BTN1A1: variants seen among roughly 807,000 people sequenced by gnomAD.
The protein encoded by BTN1A1 is bK14H9.2 (butyrophilin, subfamily 1, member A1).
Under a neutral mutation model 33.1 loss-of-function variants are expected in BTN1A1, and 26 were observed. That is an observed-to-expected ratio of 0.79 (90% CI 0.58 to 1.09). The LOEUF (loss-of-function observed/expected upper bound fraction) is 1.09. Ranked by LOEUF, BTN1A1 falls within the 50% of genes least tolerant of loss-of-function variation. The pLI is 0.00. For synonymous variants in BTN1A1, 235 were observed against 256.2 expected (o/e 0.92, Z 0.79); for missense variants, 558 against 655.7 (o/e 0.85, Z 1.63).
At chr6:26,503,301 A>G (rs987674610) in intron 3 of BTN1A1, among the ~76,000 whole-genome samples, 1 of 152,156 alleles carries the variant, frequency 6.6e-6, no homozygotes, top group African/African-American at 2.4e-5. Context: ...CCTGGCCAAC[A>G]TGGCAAAACC....
At chr6:26,505,946 G>GT (rs908283086) in intron 4 of BTN1A1, among the ~76,000 whole-genome samples, 3 of 151,656 alleles carry the variant, frequency 2.0e-5, no homozygotes, top group Admixed American at 2.0e-4. Context: ...GTGAAACCCC[G>GT]CCTCTACTAA....
Position 26,501,573 on chromosome 6 carries a change from C to G in BTN1A1, c.80-17C>G. The G allele has an allele frequency of 3.7e-6, 6 of 1,611,578 alleles. No individual in the cohort carries two copies. The highest frequency in any genetic ancestry group is 5.1e-6 in the Non-Finnish European group (6 of 1,178,294). ...CCCATCTCCACATCCCGTCTGATCCCGCTCGTTTTTCGGCAGCTCCCTTTG... is the reference window on the plus strand; with the variant it reads ...CCCATCTCCACATCCCGTCTGATCCGGCTCGTTTTTCGGCAGCTCCCTTTG... On this transcript the variant is annotated splice_polypyrimidine_tract_variant and intron_variant, in intron 2 of 7. Coordinates refer to ENST00000684113, the MANE Select transcript of BTN1A1 (RefSeq NM_001732.3). This position sits in a 1 kb window ranked among gnomAD's most constrained non-coding sequence, Gnocchi z 5.2.
At chr6:26,508,008 TTCTC>T in intron 6 of BTN1A1, 38 bp downstream of exon 6, 1 of 1,613,414 alleles carries the variant, frequency 6.2e-7, no homozygotes, top group Non-Finnish European at 8.5e-7. Flanking sequence ...CCACAGAGTT[TTCTC>T]TCTCTTATTA....
At chr6:26,504,396 C>T (rs1359728880) in intron 3 of BTN1A1, among the ~76,000 whole-genome samples, 2 of 151,618 alleles carry the variant, frequency 1.3e-5, no homozygotes, top group Non-Finnish European at 2.9e-5. Flanking sequence ...CAAACTGCTG[C>T]AAACATTTCA....
In BTN1A1 at chr6:26,509,077, T is replaced by C; in HGVS notation, c.1484T>C (p.Ile495Thr). ...IANAQDLSKEIPLSPMGEDSA... is the reference protein window; with the variant it reads ...IANAQDLSKETPLSPMGEDSA... The stretch of plus-strand genomic sequence containing the variant: ...AATGCCCAGGACCTTTCTAAGGAGA[T>C]CCCATTGTCCCCCATGGGGGAGGAC... Residue 495 changes from isoleucine (I) to threonine (T), a missense_variant, in exon 8 of 8, where the codon ATC becomes ACC. Ile to Thr is a moderately conservative substitution (Grantham distance 89). Coordinates refer to ENST00000684113, the MANE Select transcript of BTN1A1 (RefSeq NM_001732.3). 6.2e-7 allele frequency: 1 copy of C among 1,614,070 alleles called. No homozygotes were observed.
Position 26,508,206 on chromosome 6 carries a change from G to A in BTN1A1, c.907+119G>A. 4 of 1,300,536 alleles carry A rather than the reference G, an allele frequency of 3.1e-6. No homozygotes were observed. In the South Asian group the frequency reaches 5.8e-5, roughly 19 times the overall value. The allele number at this position is 1,300,536 out of a possible 1,614,324, so 80.6% of individuals were successfully genotyped here. On this transcript the variant is annotated intron_variant, in intron 7 of 7. Transcript: ENST00000684113. ...AGTGATGAGGACAGGAAGGGAAACGGTGATGACAGATGGCCTCAACAGTTT... is the reference window on the plus strand; with the variant it reads ...AGTGATGAGGACAGGAAGGGAAACGATGATGACAGATGGCCTCAACAGTTT...
Position 26,501,151 on chromosome 6 carries a change from G to T in BTN1A1, c.-57-79G>T. ...GCAAATGACCAGAACACTTGCAGCT[G>T]GAAAGAACTGTAGAGAGGACTTTGG... On this transcript the variant is annotated intron_variant, in intron 1 of 7. Coordinates refer to ENST00000684113, the MANE Select transcript of BTN1A1 (RefSeq NM_001732.3). The surrounding 1 kb of genome is among the most constrained non-coding windows in gnomAD (Gnocchi z 5.2). The T allele has an allele frequency of 1.4e-6, 1 of 732,972 alleles. No individual in the cohort carries two copies. The highest frequency in any genetic ancestry group is 2.4e-6 in the Non-Finnish European group (1 of 412,888). The allele number at this position is 732,972 out of a possible 1,614,324, so 45.4% of individuals were successfully genotyped here. A position where few individuals can be genotyped will look rare whatever the true frequency, so the allele number is the denominator to read the frequency against.
rs753514039 is a variant in BTN1A1, at chr6:26,501,326, C to T, written c.40C>T (p.Leu14Phe). 2 of 1,614,006 alleles carry T rather than the reference C, an allele frequency of 1.2e-6. No homozygotes were observed. The highest frequency in any genetic ancestry group is 2.2e-5 in the East Asian group (1 of 44,890). Reference protein sequence around the residue: ...FPSSGLPRCLLTLILLQLPKL... With the variant: ...FPSSGLPRCLFTLILLQLPKL... The stretch of plus-strand genomic sequence containing the variant: ...AAGCTCCGGTCTCCCCAGATGTCTG[C>T]TCACCCTCATTCTCCTCCAGCTGCC... Residue 14 changes from leucine to phenylalanine, a missense_variant, in exon 2 of 8, where the codon CTC (leucine) becomes TTC (phenylalanine). Coordinates refer to ENST00000684113, the MANE Select transcript of BTN1A1 (RefSeq NM_001732.3). The surrounding 1 kb of genome is among the most constrained non-coding windows in gnomAD (Gnocchi z 5.2).
intron 3 of BTN1A1, among the ~76,000 whole-genome samples, chr6:26,503,723 A>C (rs780373645): frequency 3.4e-4 from 51 of 151,408 alleles, no homozygotes; most frequent in Non-Finnish European, 6.8e-4. Context: ...CTTGGGTGAA[A>C]TGTGGGTCCC....
intron 3 of BTN1A1, among the ~76,000 whole-genome samples, chr6:26,503,225 T>C (rs1437496674): frequency 6.6e-6 from 1 of 151,698 alleles, no homozygotes; most frequent in Non-Finnish European, 1.5e-5. Flanking sequence ...GTCTCACGCC[T>C]GTAATCCCAG....
chr6:26,509,221 C>T lies in BTN1A1; in HGVS notation c.*47C>T. The T allele has an allele frequency of 6.7e-7, 1 of 1,496,756 alleles. No individual in the cohort carries two copies. The highest frequency in any genetic ancestry group is 9.1e-7 in the Non-Finnish European group (1 of 1,102,576). 92.7% of individuals were successfully genotyped at this position (1,496,756 alleles called of 1,614,324 possible). A position where few individuals can be genotyped will look rare whatever the true frequency, so the allele number is the denominator to read the frequency against. On this transcript the variant is annotated 3_prime_UTR_variant, in exon 8 of 8. Coordinates refer to ENST00000684113, the MANE Select transcript of BTN1A1 (RefSeq NM_001732.3). ...TTTCCTTTCCTCTAACCCCTCTCCTCCATAGCCTTCTGAGGCTTCACCTGC... is the reference window on the plus strand; with the variant it reads ...TTTCCTTTCCTCTAACCCCTCTCCTTCATAGCCTTCTGAGGCTTCACCTGC...
In BTN1A1 at chr6:26,501,243, AG is replaced by A. The variant is rs3215660; in HGVS notation, c.-40del. ...TTCATCTCCTAGGCTGAAGCTCCTG[AG>A]GGGACTCACATCAGTTATCTTGCTG... On this transcript the variant is annotated 5_prime_UTR_variant, in exon 2 of 8. Coordinates refer to ENST00000684113, the MANE Select transcript of BTN1A1 (RefSeq NM_001732.3). The surrounding 1 kb of genome is among the most constrained non-coding windows in gnomAD (Gnocchi z 5.2). The A allele has an allele frequency of 0.48, 737,721 of 1,522,452 alleles. 182,944 individuals are homozygous for A. Among genetic ancestry groups the A allele is most frequent in the East Asian group, 0.73 (32,302 of 44,382 alleles). The allele number at this position is 1,522,452 out of a possible 1,614,324, so 94.3% of individuals were successfully genotyped here.
At position 26,501,852 on chromosome 6, in the gene BTN1A1, C is replaced by T; in HGVS notation, c.342C>T (p.Val114=). ...GCGTGGCCTTGAGGATCCGTGGCGT[C>T]AGAGTCTCTGACGACGGGGAGTACA... The part of the protein sequence containing the change: ...KGRVALRIRG[V]RVSDDGEYTC... Residue 114 remains valine (V), a synonymous_variant, in exon 3 of 8, where the codon GTC becomes GTT. Transcript: ENST00000684113. The surrounding 1 kb of genome is among the most constrained non-coding windows in gnomAD (Gnocchi z 5.2). 1 of 1,610,858 alleles carries T rather than the reference C, an allele frequency of 6.2e-7. No homozygotes were observed. The highest frequency in any genetic ancestry group is 8.5e-7 in the Non-Finnish European group (1 of 1,177,718).
intron 5 of BTN1A1, among the ~76,000 whole-genome samples, chr6:26,507,601 T>C (rs1360571271): frequency 6.6e-6 from 1 of 151,900 alleles, no homozygotes; most frequent in East Asian, 1.9e-4. Flanking sequence ...GGCCCACACC[T>C]GTAGTCCCAT....
chr6:26,507,819 T>C (rs1375491654), intron 5 of BTN1A1, 131 bp from the exon 6 acceptor site: 11 of 931,828 alleles, frequency 1.2e-5, no homozygotes, highest in African/African-American at 1.7e-5. Flanking sequence ...TCTTGATTTA[T>C]TGGCAATGCT....
intron 4 of BTN1A1, among the ~76,000 whole-genome samples, chr6:26,505,433 AT>A (rs1039761465): frequency 6.6e-6 from 1 of 152,100 alleles, no homozygotes; most frequent in Non-Finnish European, 1.5e-5. Flanking sequence ...TTATCTATTT[AT>A]TTTTTGAGAC....
At chr6:26,507,876 T>C in intron 5 of BTN1A1, 74 bp from the exon 6 acceptor site, 1 of 1,465,512 alleles carries the variant, frequency 6.8e-7, no homozygotes, top group Non-Finnish European at 9.5e-7. Context: ...CTTTGTGTGT[T>C]TCCCACACGA....
rs745914400 is a variant in BTN1A1, at chr6:26,506,847, C to T, written c.859+15C>T. 1.1e-5 allele frequency: 17 copies of T among 1,613,518 alleles called. No homozygotes were observed. The highest frequency in any genetic ancestry group is 1.4e-5 in the Non-Finnish European group (17 of 1,179,702). ...CAGCTCTAAAGGTAAACCATAGAAT[C>T]CACAAGGGCTACGTGTCAGGAGTGC... On this transcript the variant is annotated intron_variant, in intron 5 of 7. Transcript: ENST00000684113.
In BTN1A1 at chr6:26,508,996, A is replaced by G. The variant is rs1372778083; in HGVS notation, c.1403A>G (p.Lys468Arg). ...PFFCLWSSGK[K>R]PLTICPIADG... is the part of the protein sequence containing the mutation. The stretch of plus-strand genomic sequence containing the variant: ...TTTTGCCTATGGTCTAGCGGTAAAA[A>G]GCCCCTGACCATCTGCCCAATTGCT... The change falls in exon 8 of 8, where the codon AAG (lysine) becomes AGG (arginine). Residue 468 changes from lysine to arginine, a missense_variant. Lys to Arg is a conservative substitution (Grantham distance 26). Transcript: ENST00000684113. 1.9e-6 allele frequency: 3 copies of G among 1,614,180 alleles called. No homozygotes were observed. Among genetic ancestry groups the G allele is most frequent in the Non-Finnish European group, 2.5e-6 (3 of 1,180,020 alleles).
Sources: allele counts gnomAD v4.1 joint callset (sites outside exome capture counted in the v4.1 genomes callset), GRCh38; gene constraint gnomAD v4.1.1; non-coding constraint Gnocchi (gnomAD v3.1); transcripts MANE v1.5; gene names NCBI Gene and HGNC (gene_info 2026-07-23, HGNC 2026-07-21).